The following HEXIM2 variants were observed in gnomAD, a reference collection of about 807,000 sequenced individuals.
HEXIM2 encodes the protein HEXIM P-TEFb complex subunit 2, also known as protein HEXIM2.
For missense variants in HEXIM2, 413 were observed against 390.8 expected (o/e 1.06, Z -0.48); for synonymous variants, 159 against 162.7 (o/e 0.98, Z 0.17).
chr17:45,164,568 C>T (rs1349142281), intron 3 of HEXIM2, among the ~76,000 whole-genome samples: 1 of 152,206 alleles, frequency 6.6e-6, no homozygotes, highest in Non-Finnish European at 1.5e-5. Flanking sequence ...ACCCAGGAGG[C>T]AGAGGTTGCA....
intron 3 of HEXIM2, among the ~76,000 whole-genome samples, chr17:45,168,238 T>C (rs1045990032): frequency 1.3e-5 from 2 of 148,262 alleles, no homozygotes; most frequent in Non-Finnish European, 3.0e-5. Context: ...TCTCAGCACT[T>C]TGGGAGGCCG....
At chr17:45,161,259 A>C (rs1033893465), upstream of HEXIM2, 3 of 351,244 alleles carry the variant, frequency 8.5e-6, no homozygotes, top group Admixed American at 3.8e-5. Flanking sequence ...GTAATTACCG[A>C]AGAACCCCGC....
At chr17:45,167,466 C>T (rs1291670448) in intron 3 of HEXIM2, among the ~76,000 whole-genome samples, 3 of 152,250 alleles carry the variant, frequency 2.0e-5, no homozygotes, top group South Asian at 4.1e-4. Context: ...GGTGTGGTGG[C>T]GCATGCCTGT....
upstream of HEXIM2, chr17:45,160,778 T>C: frequency 3.8e-6 from 2 of 529,380 alleles, no homozygotes; most frequent in East Asian, 6.9e-5. Flanking sequence ...ATGGGAGAGA[T>C]CTTGAGGGCA....
In HEXIM2 at chr17:45,169,191, A is replaced by T; in HGVS notation, c.243A>T (p.Ser81=). ...SPRTQSPGGC[S]AEAVLARKKH... is the part of the protein sequence containing the mutation. The stretch of plus-strand genomic sequence containing the variant: ...GGACCCAGAGCCCAGGGGGCTGCTC[A>T]GCGGAGGCTGTGCTGGCCCGGAAGA... Residue 81 remains serine, a synonymous_variant, in exon 4 of 4, where the codon TCA becomes TCT. Coordinates refer to ENST00000589230, the MANE Select transcript of HEXIM2 (RefSeq NM_001303441.2). 1.2e-6 allele frequency: 2 copies of T among 1,613,688 alleles called. No homozygotes were observed. The highest frequency in any genetic ancestry group is 1.7e-6 in the Non-Finnish European group (2 of 1,180,042).
chr17:45,167,344 G>GA (rs1222749295), intron 3 of HEXIM2, among the ~76,000 whole-genome samples: 3 of 151,552 alleles, frequency 2.0e-5, no homozygotes, highest in Non-Finnish European at 2.9e-5. Context: ...AAAAAAAGAT[G>GA]AAAAAAAAGC....
At chr17:45,160,608 C>A (rs1045480529), upstream of HEXIM2, 27 of 256,988 alleles carry the variant, frequency 1.1e-4, no homozygotes. Context: ...GTTTCTATTT[C>A]GGAGCCGCAG....
chr17:45,169,092 GAT>G lies in HEXIM2; in HGVS notation c.145_146del (p.Met49GlyfsTer7), dbSNP rs773722760. 8.7e-6 allele frequency: 14 copies of G among 1,613,976 alleles called. No individual in the cohort carries two copies. The highest frequency in any genetic ancestry group is 3.3e-5 in the Admixed American group (2 of 60,004). On this transcript the variant is annotated frameshift_variant, in exon 4 of 4. Transcript: ENST00000589230. LOFTEE classifies it low-confidence loss of function (END_TRUNC). ...GTGGTTCCCTGCCCCTGACACCGCG[GAT>G]GGAGAGCCACTCAGAGGATGAAGAT... ...SGGSLPLTPR[M>X]ESHSEDEDLA...
chr17:45,162,240 AGCTGT>A (rs1289899524), intron 1 of HEXIM2, among the ~76,000 whole-genome samples: 1 of 152,202 alleles, frequency 6.6e-6, no homozygotes, highest in Non-Finnish European at 1.5e-5. Context: ...CCCAGGTCCC[AGCTGT>A]GCTTCTGGCC....
At position 45,169,161 on chromosome 17, in the gene HEXIM2, TC is replaced by T; in HGVS notation, c.217del (p.Arg73GlyfsTer36). On this transcript the variant is annotated frameshift_variant, in exon 4 of 4. Transcript: ENST00000589230. LOFTEE classifies it low-confidence loss of function (END_TRUNC). ...GTGGCCTGGGCTGGAACAGTAGGAGTCCCCGGACCCAGAGCCCAGGGGGCTG... is the reference window on the plus strand; with the variant it reads ...GTGGCCTGGGCTGGAACAGTAGGAGTCCCGGACCCAGAGCCCAGGGGGCTG... ...VGGLGWNSRS[P>X]RTQSPGGCSA... The T allele has an allele frequency of 1.2e-6, 2 of 1,612,504 alleles. No individual in the cohort carries two copies. Among genetic ancestry groups the T allele is most frequent in the East Asian group, 2.2e-5 (1 of 44,792 alleles).
At position 45,169,799 on chromosome 17, in the gene HEXIM2, C is replaced by T. The variant is rs771634473; in HGVS notation, c.851C>T (p.Pro284Leu). ...NREGCRCDEEPGT is the reference protein window; with the variant it reads ...NREGCRCDEELGT ...GAGGGCTGCCGCTGTGATGAGGAGC[C>T]GGGTACCTAGGGGTGCCTCCCAGCC... Residue 284 changes from proline (P) to leucine (L), a missense_variant, in exon 4 of 4, where the codon CCG (proline) becomes CTG (leucine). Transcript: ENST00000589230. 6 of 1,440,040 alleles carry T rather than the reference C, an allele frequency of 4.2e-6. No homozygotes were observed. The East Asian group carries it at 7.5e-5, about 18-fold the overall frequency. 89.2% of individuals were successfully genotyped at this position (1,440,040 alleles called of 1,614,324 possible).
chr17:45,161,224 C>A, upstream of HEXIM2: 1 of 353,310 alleles, frequency 2.8e-6, no homozygotes, highest in South Asian at 2.1e-5. Context: ...AGCCTCTCCC[C>A]TTCTGGGGTC....
rs2042729906 is a variant in HEXIM2 at position 45,162,642 on chromosome 17, AG to A, written c.-45+10del. 1.3e-6 allele frequency: 2 copies of A among 1,515,534 alleles called. No individual in the cohort carries two copies. Among genetic ancestry groups the A allele is most frequent in the Admixed American group, 2.0e-5 (1 of 48,900 alleles). 93.9% of individuals were successfully genotyped at this position (1,515,534 alleles called of 1,614,324 possible). A position where few individuals can be genotyped will look rare whatever the true frequency, so the allele number is the denominator to read the frequency against. ...CCTGCATTTGAGAATAAGGGTATGA[AG>A]GGCTGGGGTACAAAATGGCTGCCAC... On this transcript the variant is annotated splice_region_variant and intron_variant, in intron 2 of 3. Transcript: ENST00000589230.
At chr17:45,167,385 C>A (rs540060964) in intron 3 of HEXIM2, among the ~76,000 whole-genome samples, 2 of 152,204 alleles carry the variant, frequency 1.3e-5, no homozygotes, top group African/African-American at 4.8e-5. Context: ...GGATCAGCTG[C>A]ATAATTTGTG....
At chr17:45,160,589 G>A, upstream of HEXIM2, 1 of 261,040 alleles carries the variant, frequency 3.8e-6, no homozygotes, top group Non-Finnish European at 7.9e-6. Context: ...ATACGAAATG[G>A]GCAACTCCGT....
chr17:45,165,165 A>G lies in HEXIM2; in HGVS notation c.66+2306A>G, dbSNP rs8074032. 8.1e-3 allele frequency among the ~76,000 whole-genome samples: 1,232 copies of G among 152,272 alleles called. 14 individuals carry two copies. Among genetic ancestry groups the G allele is most frequent in the African/African-American group, 0.028 (1,176 of 41,548 alleles). Reference sequence around the variant, plus strand: ...GGCCTTGCCTGTCCCAGCTGGGGCAACAGCTCTGTCTTATTTGGCCCAAGC... The same window carrying G: ...GGCCTTGCCTGTCCCAGCTGGGGCAGCAGCTCTGTCTTATTTGGCCCAAGC... On this transcript the variant is annotated intron_variant, in intron 3 of 3. Transcript: ENST00000589230.
chr17:45,160,465 T>C (rs942619329), upstream of HEXIM2, among the ~76,000 whole-genome samples: 14 of 152,216 alleles, frequency 9.2e-5, no homozygotes, highest in African/African-American at 3.4e-4. Context: ...AAAGATTACA[T>C]TGGAATTGGA....
At chr17:45,162,996 T>C (rs907077968) in intron 3 of HEXIM2, 137 bp downstream of exon 3, 8 of 636,808 alleles carry the variant, frequency 1.3e-5, no homozygotes, top group African/African-American at 3.6e-5. Flanking sequence ...CACTAGGCAA[T>C]AGGCCGGAAT....
chr17:45,166,886 A>C (rs990605761), intron 3 of HEXIM2, among the ~76,000 whole-genome samples: 1 of 150,390 alleles, frequency 6.6e-6, no homozygotes, highest in African/African-American at 2.5e-5. Flanking sequence ...TTAGCTGGGC[A>C]TGGTAGTGGG....
Sources: gnomAD v4.1 joint callset for allele counts (sites outside exome capture counted in the v4.1 genomes callset) on GRCh38, gnomAD v4.1.1 for gene constraint, MANE v1.5 for transcripts, NCBI Gene and HGNC (gene_info 2026-07-23, HGNC 2026-07-21) for gene names.